Variants in AHCYL2 observed in about 807,000 individuals in gnomAD.
The protein encoded by AHCYL2 is S-adenosylhomocysteine hydrolase-like protein 2.
A neutral mutation model predicts 81.4 loss-of-function variants in AHCYL2; 28 were observed. The ratio of observed to expected loss-of-function variants is 0.34; its 90% CI spans 0.25 to 0.47. The LOEUF (loss-of-function observed/expected upper bound fraction) is 0.47, where lower values mean the gene tolerates loss of function less well. AHCYL2 is among the 20% of genes least tolerant of loss of function. The pLI is 1.00. For synonymous variants in AHCYL2, 272 were observed against 290.2 expected, an observed-to-expected ratio of 0.94 and a Z score of 0.64; for missense variants, 551 against 785.1, an observed-to-expected ratio of 0.70 and a Z score of 3.56.
chr7:129,371,538 G>T (rs930366651), intron 1 of AHCYL2, among the ~76,000 whole-genome samples: 4 of 152,202 alleles, frequency 2.6e-5, no homozygotes, highest in African/African-American at 9.6e-5. Context: ...CTGTTTTCAT[G>T]TGAAGGATTT....
intron 1 of AHCYL2, among the ~76,000 whole-genome samples, chr7:129,351,224 A>G (rs1243480932): frequency 6.6e-6 from 1 of 152,206 alleles, no homozygotes; most frequent in Non-Finnish European, 1.5e-5. Flanking sequence ...ACACTTTTGG[A>G]TTTTAAAAAT....
intron 1 of AHCYL2, among the ~76,000 whole-genome samples, chr7:129,274,608 T>C (rs1796132825): frequency 6.6e-6 from 1 of 152,158 alleles, no homozygotes; most frequent in Non-Finnish European, 1.5e-5. Context: ...AGACTGTAAC[T>C]TTCTGGGACT....
chr7:129,300,745 G>A (rs1367666258), intron 1 of AHCYL2, among the ~76,000 whole-genome samples: 1 of 152,064 alleles, frequency 6.6e-6, no homozygotes, highest in East Asian at 1.9e-4. Flanking sequence ...GTGTATGAGG[G>A]TTTCCTTTTC....
At chr7:129,271,359 CAAAAA>C (rs3042852) in intron 1 of AHCYL2, among the ~76,000 whole-genome samples, 3 of 86,824 alleles carry the variant, frequency 3.5e-5, no homozygotes, top group East Asian at 3.0e-4. Context: ...AGACTGTCTC[CAAAAA>C]AAAAAAAAAA....
chr7:129,251,316 GATT>G (rs1485150583), intron 1 of AHCYL2, among the ~76,000 whole-genome samples: 4 of 85,486 alleles, frequency 4.7e-5, no homozygotes, highest in East Asian at 8.1e-4. Context: ...AGATAGTAAA[GATT>G]TTTTTTTTTT....
intron 1 of AHCYL2, among the ~76,000 whole-genome samples, chr7:129,279,346 G>A (rs920879821): frequency 2.2e-4 from 34 of 151,616 alleles, no homozygotes; most frequent in Non-Finnish European, 5.9e-5. Context: ...GATGAGGTTC[G>A]CCATGTTGGC....
At chr7:129,370,466 G>T (rs35886223) in intron 1 of AHCYL2, among the ~76,000 whole-genome samples, 1 of 152,042 alleles carries the variant, frequency 6.6e-6, no homozygotes, top group Non-Finnish European at 1.5e-5. Context: ...GGGGAGGCCA[G>T]GGCGGGCAGA....
At chr7:129,300,191 A>G (rs1045038828) in intron 1 of AHCYL2, among the ~76,000 whole-genome samples, 10 of 152,104 alleles carry the variant, frequency 6.6e-5, no homozygotes, top group African/African-American at 2.2e-4. Flanking sequence ...TTAAATTATT[A>G]TTGACTATAG....
chr7:129,364,917 T>A (rs939525550), intron 1 of AHCYL2, among the ~76,000 whole-genome samples: 5 of 152,216 alleles, frequency 3.3e-5, no homozygotes, highest in African/African-American at 1.2e-4. Flanking sequence ...CTCATAAATA[T>A]AAAACAGTGT....
intron 1 of AHCYL2, among the ~76,000 whole-genome samples, chr7:129,298,531 G>C (rs775290046): frequency 1.3e-5 from 2 of 152,160 alleles, no homozygotes; most frequent in African/African-American, 2.4e-5. Context: ...TAACAGCTAT[G>C]GAAAGTACTT....
At chr7:129,301,276 G>A (rs1323909153) in intron 1 of AHCYL2, among the ~76,000 whole-genome samples, 2 of 152,112 alleles carry the variant, frequency 1.3e-5, no homozygotes, top group Non-Finnish European at 2.9e-5. Flanking sequence ...TTGTCAGATG[G>A]ATAGTTTGCA....
intron 3 of AHCYL2, 100 bp from the exon 4 acceptor site, chr7:129,389,534 A>T (rs1795366145): frequency 2.1e-6 from 2 of 966,926 alleles, no homozygotes; most frequent in Admixed American, 5.4e-5. Flanking sequence ...TAACCTGATC[A>T]GGGGAAGGAT....
chr7:129,418,010 G>T (rs991965232), intron 12 of AHCYL2, among the ~76,000 whole-genome samples: 3 of 152,190 alleles, frequency 2.0e-5, no homozygotes, highest in African/African-American at 7.2e-5. Context: ...AAACCTGAAT[G>T]AAATAAAGGA....
chr7:129,369,804 G>A (rs567413502), intron 1 of AHCYL2, among the ~76,000 whole-genome samples: 69 of 152,044 alleles, frequency 4.5e-4, no homozygotes, highest in Non-Finnish European at 7.7e-4. Context: ...CACCCAACTC[G>A]GCCTCCCACA....
At chr7:129,331,115 T>C (rs1429373080) in intron 1 of AHCYL2, among the ~76,000 whole-genome samples, 1 of 152,224 alleles carries the variant, frequency 6.6e-6, no homozygotes, top group Non-Finnish European at 1.5e-5. Context: ...TAGAATCCTA[T>C]ATTTTTTCAT....
intron 1 of AHCYL2, among the ~76,000 whole-genome samples, chr7:129,329,791 C>T (rs563434025): frequency 3.9e-4 from 60 of 152,108 alleles, no homozygotes; most frequent in Non-Finnish European, 7.8e-4. Context: ...ATTTCTTTAT[C>T]CACTTTTATT....
chr7:129,250,304 A>C (rs1795206350), intron 1 of AHCYL2, among the ~76,000 whole-genome samples: 1 of 152,214 alleles, frequency 6.6e-6, no homozygotes, highest in Non-Finnish European at 1.5e-5. Context: ...TTGGTATGCA[A>C]ATATCTGTTT....
intron 1 of AHCYL2, among the ~76,000 whole-genome samples, chr7:129,322,582 ATTTTTCTTTTTTC>A (rs1204849681): frequency 6.6e-6 from 1 of 151,734 alleles, no homozygotes; most frequent in African/African-American, 2.4e-5. Flanking sequence ...GCTGTTCATA[ATTTTTCTTTTTTC>A]TTTTTCTTTT....
At chr7:129,388,739 A>T (rs1029335619) in intron 2 of AHCYL2, 2 of 239,302 alleles carry the variant, frequency 8.4e-6, no homozygotes, top group African/African-American at 4.6e-5. Flanking sequence ...TATGTTAATG[A>T]CCACGATCTT....
Sources: gnomAD v4.1 joint callset for allele counts (sites outside exome capture counted in the v4.1 genomes callset) on GRCh38, gnomAD v4.1.1 for gene constraint, MANE v1.5 for transcripts, NCBI Gene and HGNC (gene_info 2026-07-23, HGNC 2026-07-21) for gene names.